Variants in CAMTA1 observed in about 807,000 individuals in gnomAD.
CAMTA1 encodes calmodulin-binding transcription activator 1.
Under a neutral mutation model 170.9 loss-of-function variants are expected in CAMTA1, and 27 were observed. That is an observed-to-expected ratio of 0.16 (90% confidence interval 0.12 to 0.22). The LOEUF is 0.22. Ranked by LOEUF, CAMTA1 falls within the 10% of genes least tolerant of loss-of-function variation. The probability of loss-of-function intolerance (pLI) is 1.00; values close to 1 mark genes in which losing one functional copy is unlikely to be tolerated. For missense variants in CAMTA1, 1,619 were observed against 2,217.2 expected, an observed-to-expected ratio of 0.73 and a Z score of 5.42; for synonymous variants, 833 against 891.5, an observed-to-expected ratio of 0.93 and a Z score of 1.17.
intron 4 of CAMTA1, among the ~76,000 whole-genome samples, chr1:7,176,522 G>A (rs747377793): frequency 5.3e-5 from 8 of 152,274 alleles, no homozygotes; most frequent in Non-Finnish European, 8.8e-5. Flanking sequence ...GCCTACACAT[G>A]CTAAACTCCA....
intron 4 of CAMTA1, among the ~76,000 whole-genome samples, chr1:7,246,670 C>A (rs1313304198): frequency 1.4e-5 from 1 of 73,930 alleles, no homozygotes; most frequent in African/African-American, 6.0e-5. Context: ...CTCTGACCTG[C>A]TTTTTTTTTT....
intron 5 of CAMTA1, among the ~76,000 whole-genome samples, chr1:7,395,443 G>A (rs1175403088): frequency 6.6e-6 from 1 of 152,090 alleles, no homozygotes; most frequent in Non-Finnish European, 1.5e-5. Flanking sequence ...CTGTGTTTAT[G>A]GTGGTGCCAT....
At chr1:6,914,174 G>A (rs148826428) in intron 3 of CAMTA1, among the ~76,000 whole-genome samples, 11 of 146,888 alleles carry the variant, frequency 7.5e-5, no homozygotes, top group African/African-American at 1.3e-4. Flanking sequence ...GCGTGATCTC[G>A]GCTCACTGCA....
chr1:6,915,282 A>G, intron 3 of CAMTA1, among the ~76,000 whole-genome samples: 1 of 152,212 alleles, frequency 6.6e-6, no homozygotes, highest in Non-Finnish European at 1.5e-5. Flanking sequence ...CTTTCACTCC[A>G]GGAACCTAAA....
chr1:7,296,292 T>C (rs1673931263), intron 5 of CAMTA1, among the ~76,000 whole-genome samples: 1 of 151,912 alleles, frequency 6.6e-6, no homozygotes, highest in South Asian at 2.1e-4. Context: ...TTGGCCAAGG[T>C]TACATAACTA....
At chr1:7,312,717 G>T in intron 5 of CAMTA1, among the ~76,000 whole-genome samples, 1 of 152,076 alleles carries the variant, frequency 6.6e-6, no homozygotes, top group East Asian at 1.9e-4. Flanking sequence ...TCTCCTTTGG[G>T]CTGCTTCCAA....
chr1:6,964,355 C>T (rs1327217636), intron 3 of CAMTA1, among the ~76,000 whole-genome samples: 2 of 150,534 alleles, frequency 1.3e-5, no homozygotes, highest in Non-Finnish European at 3.0e-5. Flanking sequence ...CTGGGGAGGG[C>T]GCAGCGTCCT....
intron 3 of CAMTA1, among the ~76,000 whole-genome samples, chr1:6,852,758 C>G (rs759503099): frequency 6.6e-6 from 1 of 152,166 alleles, no homozygotes; most frequent in Non-Finnish European, 1.5e-5. Context: ...TATGGAGGCT[C>G]TATTACGAAG....
chr1:6,829,321 C>T (rs748836671), intron 3 of CAMTA1, among the ~76,000 whole-genome samples: 7 of 152,182 alleles, frequency 4.6e-5, no homozygotes, highest in East Asian at 1.9e-4. Flanking sequence ...TAAGAGAGAT[C>T]GTTGGACCTA....
At chr1:7,213,483 G>T (rs1659148063) in intron 4 of CAMTA1, among the ~76,000 whole-genome samples, 1 of 151,940 alleles carries the variant, frequency 6.6e-6, no homozygotes, top group South Asian at 2.1e-4. Context: ...AGCTTTGGGG[G>T]TTCTTTATAT....
chr1:7,528,088 G>A (rs879800690), intron 6 of CAMTA1, among the ~76,000 whole-genome samples: 1 of 152,182 alleles, frequency 6.6e-6, no homozygotes, highest in South Asian at 2.1e-4. Flanking sequence ...GGTGCCTGTG[G>A]CTCTGCCTGT....
chr1:7,110,192 G>A (rs1314543077), intron 4 of CAMTA1, among the ~76,000 whole-genome samples: 2 of 152,094 alleles, frequency 1.3e-5, no homozygotes, highest in Non-Finnish European at 2.9e-5. Flanking sequence ...GCTGCTGGGG[G>A]CATCCTGTTA....
At chr1:7,340,409 G>A (rs1237665947) in intron 5 of CAMTA1, among the ~76,000 whole-genome samples, 2 of 152,070 alleles carry the variant, frequency 1.3e-5, no homozygotes, top group African/African-American at 4.8e-5. Flanking sequence ...TTCCCCAGAG[G>A]AGCAATACGA....
At chr1:7,176,117 G>A (rs528855106) in intron 4 of CAMTA1, among the ~76,000 whole-genome samples, 99 of 152,262 alleles carry the variant, frequency 6.5e-4, no homozygotes, top group African/African-American at 2.2e-3. Flanking sequence ...GGTATAGCGG[G>A]GATAGATACC....
chr1:7,105,902 C>G (rs142322866), intron 4 of CAMTA1, among the ~76,000 whole-genome samples: 3 of 151,556 alleles, frequency 2.0e-5, no homozygotes, highest in Non-Finnish European at 4.4e-5. Context: ...GATCACGCAC[C>G]GTACTCCAGC....
chr1:6,950,076 C>G (rs1237555449), intron 3 of CAMTA1, among the ~76,000 whole-genome samples: 2 of 152,246 alleles, frequency 1.3e-5, no homozygotes, highest in Non-Finnish European at 2.9e-5. Context: ...GCCTTTCTCT[C>G]TGCTGGCCCT....
chr1:7,655,970 C>A (rs1202931586), intron 7 of CAMTA1, among the ~76,000 whole-genome samples: 1 of 152,160 alleles, frequency 6.6e-6, no homozygotes, highest in Non-Finnish European at 1.5e-5. Context: ...GGAGGTGGGG[C>A]CCCATGGGAG....
chr1:7,279,190 G>A (rs569576347), intron 5 of CAMTA1, among the ~76,000 whole-genome samples: 4 of 152,294 alleles, frequency 2.6e-5, no homozygotes, highest in Non-Finnish European at 4.4e-5. Flanking sequence ...ACCTGAGAAC[G>A]ATGGGGCCCA....
intron 11 of CAMTA1, among the ~76,000 whole-genome samples, chr1:7,713,556 GGTGTAAATGT>G (rs2096587194): frequency 6.6e-6 from 1 of 152,032 alleles, no homozygotes; most frequent in Non-Finnish European, 1.5e-5. Flanking sequence ...CCCTTAATGA[GGTGTAAATGT>G]GTTTGTGTTT....
Sources: allele counts gnomAD v4.1 joint callset (sites outside exome capture counted in the v4.1 genomes callset), GRCh38; gene constraint gnomAD v4.1.1; transcripts MANE v1.5; gene names NCBI Gene and HGNC (gene_info 2026-07-23, HGNC 2026-07-21).